Variants in EBF3 observed in about 807,000 individuals in gnomAD.
EBF3 encodes the protein transcription factor COE3.
In EBF3, 18 loss-of-function variants were observed where a neutral mutation model predicts 77.1. That is an observed-to-expected ratio of 0.23 (90% CI 0.16 to 0.35). The LOEUF (loss-of-function observed/expected upper bound fraction) is 0.35, where lower values mean the gene tolerates loss of function less well. Ranked by LOEUF, EBF3 falls within the 10% of genes least tolerant of loss-of-function variation. EBF3 has a pLI of 1.00. For missense variants in EBF3, 558 were observed against 860.0 expected, an observed-to-expected ratio of 0.65 and a Z score of 4.39; for synonymous variants, 350 against 343.5, an observed-to-expected ratio of 1.02 and a Z score of -0.21.
chr10:129,940,189 G>A (rs925073244), intron 6 of EBF3, among the ~76,000 whole-genome samples: 1 of 152,168 alleles, frequency 6.6e-6, no homozygotes, highest in Non-Finnish European at 1.5e-5. Flanking sequence ...TGGGCTCTGT[G>A]CGTGCCCACA....
intron 6 of EBF3, among the ~76,000 whole-genome samples, chr10:129,930,263 A>T (rs781719708): frequency 6.6e-6 from 1 of 152,212 alleles, no homozygotes; most frequent in African/African-American, 2.4e-5. Context: ...GCAATCTGTC[A>T]TGGGACTTCT....
intron 6 of EBF3, among the ~76,000 whole-genome samples, chr10:129,936,860 G>A (rs1422042011): frequency 6.6e-6 from 1 of 152,182 alleles, no homozygotes; most frequent in African/African-American, 2.4e-5. Flanking sequence ...GTCCCCCACA[G>A]GGAACCTCAG....
rs192529742 is a variant in EBF3 at position 129,851,639 on chromosome 10, C to T, written c.1040-3159G>A. ...GAGAGGATGAGTTTTCTAAGAAATCCCCCCAGAAGTAATTAGTGCCCATTA... is the reference window on the plus strand; with the variant it reads ...GAGAGGATGAGTTTTCTAAGAAATCTCCCCAGAAGTAATTAGTGCCCATTA... On this transcript the variant is annotated intron_variant, in intron 10 of 16. Coordinates refer to ENST00000440978, the MANE Select transcript of EBF3 (RefSeq NM_001375380.1). 3.8e-3 allele frequency among the ~76,000 whole-genome samples: 580 copies of T among 152,194 alleles called. 8 individuals carry two copies. Among genetic ancestry groups the T allele is most frequent in the African/African-American group, 0.013 (540 of 41,522 alleles).
At chr10:129,847,257 G>A (rs1850537902) in intron 11 of EBF3, among the ~76,000 whole-genome samples, 1 of 152,142 alleles carries the variant, frequency 6.6e-6, no homozygotes, top group South Asian at 2.1e-4. Flanking sequence ...TCTATGGGAT[G>A]GCGGGACCCA....
chr10:129,854,367 C>A (rs139750228), intron 10 of EBF3, among the ~76,000 whole-genome samples: 1 of 152,058 alleles, frequency 6.6e-6, no homozygotes, highest in Non-Finnish European at 1.5e-5. Context: ...GAGTTTCAGG[C>A]GGCTGATGGC....
At chr10:129,956,184 T>A (rs1484674165) in intron 6 of EBF3, among the ~76,000 whole-genome samples, 2 of 152,242 alleles carry the variant, frequency 1.3e-5, no homozygotes, top group Admixed American at 6.5e-5. Flanking sequence ...GTGGCGCATA[T>A]TTCTTTAGGC....
intron 6 of EBF3, among the ~76,000 whole-genome samples, chr10:129,939,523 T>C (rs1052522458): frequency 5.9e-5 from 9 of 152,238 alleles, no homozygotes; most frequent in Admixed American, 4.6e-4. Flanking sequence ...TTTTGTTTTT[T>C]GTTTTGGTTC....
chr10:129,883,846 T>C (rs1853382029), intron 6 of EBF3, among the ~76,000 whole-genome samples: 1 of 152,168 alleles, frequency 6.6e-6, no homozygotes, highest in Non-Finnish European at 1.5e-5. Context: ...ATGGTGGTGA[T>C]GGTTGCACAA....
At chr10:129,889,583 G>A (rs1402560792) in intron 6 of EBF3, among the ~76,000 whole-genome samples, 1 of 152,180 alleles carries the variant, frequency 6.6e-6, no homozygotes, top group Non-Finnish European at 1.5e-5. Context: ...CACATTCCCA[G>A]TGAGTTCCAC....
chr10:129,863,398 C>G lies in EBF3; in HGVS notation c.1039+3743G>C, dbSNP rs1402892454. ...TGGATGGGGCCTGGCCTGCCTTCCC[C>G]TTCCCACTCGGGGTTGACTAATAGG... On this transcript the variant is annotated intron_variant, in intron 10 of 16. Coordinates refer to ENST00000440978, the MANE Select transcript of EBF3 (RefSeq NM_001375380.1). This position sits in a 1 kb window ranked among gnomAD's most constrained non-coding sequence, Gnocchi z 4.0. Among the ~76,000 whole-genome samples, 1 of 152,232 alleles carries G rather than the reference C, an allele frequency of 6.6e-6. No individual in the cohort carries two copies. The highest frequency in any genetic ancestry group is 1.5e-5 in the Non-Finnish European group (1 of 68,038).
chr10:129,919,086 C>G (rs1856090805), intron 6 of EBF3, among the ~76,000 whole-genome samples: 1 of 152,180 alleles, frequency 6.6e-6, no homozygotes, highest in Non-Finnish European at 1.5e-5. Context: ...CCCCGAGGTG[C>G]TTGGGGACAG....
In EBF3 at chr10:129,952,106, T is replaced by C. The variant is rs77357934; in HGVS notation, c.554+5152A>G. Among the ~76,000 whole-genome samples the C allele has an allele frequency of 0.033, 5,091 of 152,270 alleles. 249 individuals carry two copies. The highest frequency in any genetic ancestry group is 0.11 in the African/African-American group (4,415 of 41,528). On this transcript the variant is annotated intron_variant, in intron 6 of 16. Transcript: ENST00000440978. The surrounding 1 kb of genome is among the most constrained non-coding windows in gnomAD (Gnocchi z 4.7). ...CCAAATTTCTAGCCAATACTTTCCC[T>C]TCACTGAAGGCCCAATGTATTAAAA...
intron 6 of EBF3, among the ~76,000 whole-genome samples, chr10:129,903,070 G>A (rs1415589674): frequency 1.3e-5 from 2 of 152,314 alleles, no homozygotes; most frequent in Non-Finnish European, 2.9e-5. Context: ...AGAACACAAC[G>A]CAATTCTGTG....
At chr10:129,865,769 T>C (rs1851965012) in intron 10 of EBF3, among the ~76,000 whole-genome samples, 1 of 152,232 alleles carries the variant, frequency 6.6e-6, no homozygotes, top group Non-Finnish European at 1.5e-5. Context: ...GTCTATTGCC[T>C]CTTTAAACCT....
At position 129,963,329 on chromosome 10, in the gene EBF3, TAGAA is replaced by T; in HGVS notation, c.291+34_291+37del. On this transcript the variant is annotated intron_variant, in intron 2 of 16. Transcript: ENST00000440978. This position sits in a 1 kb window ranked among gnomAD's most constrained non-coding sequence, Gnocchi z 7.1. ...ACCGGCACCGCCTGCCTCCCGCTTC[TAGAA>T]AGAGAGAGGGTGTGATCGTGTGTTT... is the stretch of plus-strand genomic sequence containing the variant. 1 of 1,555,430 alleles carries T rather than the reference TAGAA, an allele frequency of 6.4e-7. No homozygotes were observed. The highest frequency in any genetic ancestry group is 1.2e-5 in the South Asian group (1 of 84,912).
chr10:129,855,661 G>A (rs1325260718), intron 10 of EBF3, among the ~76,000 whole-genome samples: 1 of 152,092 alleles, frequency 6.6e-6, no homozygotes, highest in Non-Finnish European at 1.5e-5. Flanking sequence ...TAACCTAAGG[G>A]GAGAAATGCC....
chr10:129,957,383 C>CTTT, intron 5 of EBF3, 57 bp from the exon 6 acceptor site: 1 of 1,330,658 alleles, frequency 7.5e-7, no homozygotes, highest in South Asian at 1.4e-5. Context: ...TTATGCCCGA[C>CTTT]TTGTATTTTT....
In EBF3 at chr10:129,848,298, A is replaced by T. The variant is rs1256891518; in HGVS notation, c.1128+94T>A. On this transcript the variant is annotated intron_variant, in intron 11 of 16. Coordinates refer to ENST00000440978, the MANE Select transcript of EBF3 (RefSeq NM_001375380.1). This position sits in a 1 kb window ranked among gnomAD's most constrained non-coding sequence, Gnocchi z 4.4. ...GGGCACAGAGTTTGGGGAATCTGCA[A>T]TCCCCCCTTCCCAGAGCACCTGCTG... 1 of 1,305,472 alleles carries T rather than the reference A, an allele frequency of 7.7e-7. No individual in the cohort carries two copies. Among genetic ancestry groups the T allele is most frequent in the Non-Finnish European group, 1.1e-6 (1 of 901,102 alleles). The allele number at this position is 1,305,472 out of a possible 1,614,324, so 80.9% of individuals were successfully genotyped here. A position where few individuals can be genotyped will look rare whatever the true frequency, so the allele number is the denominator to read the frequency against.
intron 6 of EBF3, among the ~76,000 whole-genome samples, chr10:129,923,142 T>G (rs1042681464): frequency 1.3e-5 from 2 of 152,222 alleles, no homozygotes; most frequent in Non-Finnish European, 2.9e-5. Context: ...CTGTTGTTAT[T>G]ATTTTGAACC....
Sources: gnomAD v4.1 joint callset for allele counts (sites outside exome capture counted in the v4.1 genomes callset) on GRCh38, gnomAD v4.1.1 for gene constraint, Gnocchi (gnomAD v3.1) non-coding constraint, MANE v1.5 for transcripts, NCBI Gene and HGNC (gene_info 2026-07-23, HGNC 2026-07-21) for gene names.